The following EFNA5 variants were observed in gnomAD, a reference collection of about 807,000 sequenced individuals.
EFNA5 encodes ephrin A5.
Under a neutral mutation model 22.9 loss-of-function variants are expected in EFNA5, and 5 were observed. The ratio of observed to expected loss-of-function variants is 0.22; its 90% confidence interval spans 0.11 to 0.46. The LOEUF is 0.46. Among genes scored for constraint, EFNA5 ranks in the 20% least tolerant of loss-of-function variants. The pLI is 0.99. For synonymous variants in EFNA5, 113 were observed against 112.2 expected, an observed-to-expected ratio of 1.01 and a Z score of -0.04; for missense variants, 237 against 293.3, an observed-to-expected ratio of 0.81 and a Z score of 1.40.
intron 1 of EFNA5, among the ~76,000 whole-genome samples, chr5:107,430,745 T>C (rs1748926992): frequency 6.6e-6 from 1 of 151,130 alleles, no homozygotes; most frequent in Non-Finnish European, 1.5e-5. Context: ...AAACATGCGA[T>C]TGCCCCAGCA....
chr5:107,442,929 TAAAA>T (rs544741414), intron 1 of EFNA5, among the ~76,000 whole-genome samples: 37 of 82,340 alleles, frequency 4.5e-4, no homozygotes, highest in Middle Eastern at 6.8e-3. Context: ...CCCCAGGTAC[TAAAA>T]AAAAAAAAAA....
intron 1 of EFNA5, among the ~76,000 whole-genome samples, chr5:107,484,373 A>T (rs1347910241): frequency 8.5e-5 from 13 of 152,206 alleles, no homozygotes; most frequent in Non-Finnish European, 1.9e-4. Context: ...AACGGTAACA[A>T]TGGAGAAATT....
intron 4 of EFNA5, among the ~76,000 whole-genome samples, chr5:107,385,258 A>G (rs1268426796): frequency 6.6e-6 from 1 of 152,156 alleles, no homozygotes; most frequent in Non-Finnish European, 1.5e-5. Context: ...TTGTATCGTT[A>G]GTGGAATTCA....
In EFNA5 at chr5:107,427,257, T is replaced by C. The variant is rs1035996519; in HGVS notation, c.378A>G (p.Leu126=). 7 of 1,614,020 alleles carry C rather than the reference T, an allele frequency of 4.3e-6. No individual in the cohort carries two copies. The African/African-American group carries it at 9.3e-5, about 22-fold the overall frequency. Residue 126 remains leucine (L), a synonymous_variant, in exon 2 of 5, where the codon CTA becomes CTG. Transcript: ENST00000333274. ...CTCGGCCTGGCCTGAATTCAAATCCTAGAGAAAAGGGAGTGAAGAGCTGGA... is the reference window on the plus strand; with the variant it reads ...CTCGGCCTGGCCTGAATTCAAATCCCAGAGAAAAGGGAGTGAAGAGCTGGA... ...EKFQLFTPFS[L]GFEFRPGREY...
At chr5:107,496,180 A>G (rs1028040808) in intron 1 of EFNA5, among the ~76,000 whole-genome samples, 4 of 151,038 alleles carry the variant, frequency 2.6e-5, no homozygotes, top group African/African-American at 9.7e-5. Flanking sequence ...AAAAAAAAAA[A>G]AAAAAAATAC....
At chr5:107,401,343 C>A (rs1748077736) in intron 2 of EFNA5, among the ~76,000 whole-genome samples, 2 of 152,156 alleles carry the variant, frequency 1.3e-5, no homozygotes, top group African/African-American at 4.8e-5. Context: ...GTCAACTTAT[C>A]TTTTTAATCT....
rs1283967228 is a variant in EFNA5, at chr5:107,493,534, AAAAAAC to A, written c.126-66031_126-66026del. 3.3e-5 allele frequency among the ~76,000 whole-genome samples: 5 copies of A among 152,354 alleles called. 1 individual carries two copies. The highest frequency in any genetic ancestry group is 2.6e-4 in the Admixed American group (4 of 15,306). ...CCAATGCCTAAATTCCTTTACCAAG[AAAAAAC>A]AAAAACAAAAACAAACAAGTATATT... is the stretch of plus-strand genomic sequence containing the variant. On this transcript the variant is annotated intron_variant, in intron 1 of 4. Coordinates refer to ENST00000333274, the MANE Select transcript of EFNA5 (RefSeq NM_001962.3).
chr5:107,517,265 T>C (rs250253), intron 1 of EFNA5, among the ~76,000 whole-genome samples: 93,995 of 151,986 alleles, frequency 0.62, 30,480 homozygotes, highest in East Asian at 0.95. Flanking sequence ...ACAGTATTCA[T>C]CATGCAAATT....
intron 1 of EFNA5, among the ~76,000 whole-genome samples, chr5:107,521,386 A>C (rs1747592598): frequency 6.6e-6 from 1 of 150,926 alleles, no homozygotes; most frequent in African/African-American, 2.4e-5. Context: ...ACCTCCTGGG[A>C]CTCAAGTGAT....
intron 1 of EFNA5, among the ~76,000 whole-genome samples, chr5:107,590,359 A>G (rs1228093590): frequency 6.6e-6 from 1 of 152,122 alleles, no homozygotes; most frequent in Admixed American, 6.6e-5. Flanking sequence ...TTCTGTGTCA[A>G]ATGTTGGTGA....
At chr5:107,532,716 A>AT (rs1271502344) in intron 1 of EFNA5, among the ~76,000 whole-genome samples, 1 of 152,246 alleles carries the variant, frequency 6.6e-6, no homozygotes, top group Non-Finnish European at 1.5e-5. Flanking sequence ...CCCACCTGCC[A>AT]TATGGCTGTC....
At chr5:107,549,187 T>C (rs910813702) in intron 1 of EFNA5, among the ~76,000 whole-genome samples, 2 of 152,182 alleles carry the variant, frequency 1.3e-5, no homozygotes, top group East Asian at 1.9e-4. Context: ...CAAATTGTAA[T>C]TGATTTACAT....
In EFNA5 at chr5:107,598,041, C is replaced by T. The variant is rs930624473; in HGVS notation, c.125+72448G>A. Among the ~76,000 whole-genome samples the T allele has an allele frequency of 3.9e-5, 6 of 152,086 alleles. No homozygotes were observed. In the South Asian group the frequency reaches 6.2e-4, roughly 16 times the overall value. On this transcript the variant is annotated intron_variant, in intron 1 of 4. Transcript: ENST00000333274. ...AAGACCATTTGAATAATTTATTCAA[C>T]CATTTACGATAACTTTAAGAGTCTT...
At position 107,377,684 on chromosome 5, in the gene EFNA5, C is replaced by T. The variant is rs947279780; in HGVS notation, c.*3571G>A. 6.6e-6 allele frequency: 1 copy of T among 152,088 alleles called. No homozygotes were observed. The highest frequency in any genetic ancestry group is 1.5e-5 in the Non-Finnish European group (1 of 68,020). 9.4% of individuals were successfully genotyped at this position (152,088 alleles called of 1,614,324 possible). ...TAAGCTTCCTACACTGATTGGTTTG[C>T]AACCATTTCCATGAGTGAGCTGCAC... On this transcript the variant is annotated 3_prime_UTR_variant, in exon 5 of 5. Coordinates refer to ENST00000333274, the MANE Select transcript of EFNA5 (RefSeq NM_001962.3).
intron 1 of EFNA5, among the ~76,000 whole-genome samples, chr5:107,625,683 A>G (rs546240068): frequency 7.2e-5 from 11 of 152,340 alleles, no homozygotes; most frequent in Middle Eastern, 3.4e-3. Flanking sequence ...GTATAAAATT[A>G]TTCTAAATCC....
At chr5:107,660,226 C>T (rs1750916514) in intron 1 of EFNA5, among the ~76,000 whole-genome samples, 2 of 122,856 alleles carry the variant, frequency 1.6e-5, no homozygotes, top group East Asian at 2.3e-4. Flanking sequence ...GGGAACACTG[C>T]CAGAAAAAGA....
At chr5:107,462,598 C>T (rs1749863570) in intron 1 of EFNA5, among the ~76,000 whole-genome samples, 1 of 152,076 alleles carries the variant, frequency 6.6e-6, no homozygotes. Context: ...CCAATGGAAA[C>T]ACTAACCCTA....
chr5:107,545,179 T>C (rs1749280632), intron 1 of EFNA5, among the ~76,000 whole-genome samples: 1 of 152,242 alleles, frequency 6.6e-6, no homozygotes, highest in Admixed American at 6.5e-5. Flanking sequence ...GCCACATCTT[T>C]CACAAACATT....
In EFNA5 at chr5:107,427,696, AT is replaced by A. The variant is rs201601578; in HGVS notation, c.126-188del. Among the ~76,000 whole-genome samples, 1,111 of 152,076 alleles carry A rather than the reference AT, an allele frequency of 7.3e-3. 13 individuals carry two copies. The highest frequency in any genetic ancestry group is 0.026 in the African/African-American group (1,076 of 41,476). ...TTCCCAATCTAAGCCACAAAAAGCCATTTTACAGTGAGATTCCATTATATTT... is the reference window on the plus strand; with the variant it reads ...TTCCCAATCTAAGCCACAAAAAGCCATTTACAGTGAGATTCCATTATATTT... On this transcript the variant is annotated intron_variant, in intron 1 of 4. Coordinates refer to ENST00000333274, the MANE Select transcript of EFNA5 (RefSeq NM_001962.3).
Sources: gnomAD v4.1 joint callset for allele counts (sites outside exome capture counted in the v4.1 genomes callset) on GRCh38, gnomAD v4.1.1 for gene constraint, MANE v1.5 for transcripts, NCBI Gene and HGNC (gene_info 2026-07-23, HGNC 2026-07-21) for gene names.